CEP192: variants seen among roughly 807,000 people sequenced by gnomAD.
CEP192 encodes the protein centrosomal protein 192.
CEP192 carries 151 observed loss-of-function variants against 271.8 expected under a neutral mutation model. That is an observed-to-expected ratio of 0.56 (90% CI 0.49 to 0.64). CEP192 has a LOEUF of 0.64. CEP192 is among the 30% of genes least tolerant of loss of function. CEP192 has a pLI of 0.00. For synonymous variants in CEP192, 995 were observed against 1,076.5 expected (o/e 0.92, Z 1.48); for missense variants, 2,910 against 3,020.5 (o/e 0.96, Z 0.86).
At chr18:13,053,140 G>T (rs759067489) in intron 18 of CEP192, 50 bp downstream of exon 18, 3 of 1,436,990 alleles carry the variant, frequency 2.1e-6, no homozygotes, top group Non-Finnish European at 1.9e-6. Flanking sequence ...ACTCTTAAAA[G>T]TGTTAACAGA....
Position 13,049,339 on chromosome 18 carries a change from G to T in CEP192, c.2548G>T (p.Gly850Ter). Residue 850 changes from glycine to a stop codon, truncating the protein, a stop_gained, in exon 16 of 45, where the codon GGA (glycine) becomes TGA (stop). Coordinates refer to ENST00000506447, the MANE Select transcript of CEP192 (RefSeq NM_032142.4). LOFTEE classifies it high-confidence loss of function. ...NTAAIVYVEN[G>*]ESENQESFRT... ...AGCAGCTATTGTTTATGTTGAAAAT[G>T]GAGAGAGTGAGAATCAAGAGTCATT... 6.2e-7 allele frequency: 1 copy of T among 1,614,128 alleles called. No homozygotes were observed. Among genetic ancestry groups the T allele is most frequent in the African/African-American group, 1.3e-5 (1 of 75,050 alleles).
At position 13,055,978 on chromosome 18, in the gene CEP192, G is replaced by A. The variant is rs745863505; in HGVS notation, c.3388G>A (p.Val1130Ile). 6 of 1,614,086 alleles carry A rather than the reference G, an allele frequency of 3.7e-6. No homozygotes were observed. Among genetic ancestry groups the A allele is most frequent in the Non-Finnish European group, 5.1e-6 (6 of 1,180,038 alleles). ...TTSLSSKPEY[V>I]KPDFRWSKDP... ...TTCTCTGAGTAGCAAGCCTGAATATGTAAAACCTGACTTTAGATGGAGTAA... is the reference window on the plus strand; with the variant it reads ...TTCTCTGAGTAGCAAGCCTGAATATATAAAACCTGACTTTAGATGGAGTAA... The change falls in exon 19 of 45, where the codon GTA becomes ATA. Residue 1130 changes from valine to isoleucine, a missense_variant. Coordinates refer to ENST00000506447, the MANE Select transcript of CEP192 (RefSeq NM_032142.4).
At chr18:13,075,236 C>G (rs1475351534) in intron 30 of CEP192, among the ~76,000 whole-genome samples, 1 of 152,198 alleles carries the variant, frequency 6.6e-6, no homozygotes, top group Non-Finnish European at 1.5e-5. Flanking sequence ...TTTCTTCCCT[C>G]TGGAACATGC....
At chr18:13,104,561 A>G (rs1173943651) in intron 39 of CEP192, among the ~76,000 whole-genome samples, 2 of 152,322 alleles carry the variant, frequency 1.3e-5, no homozygotes, top group African/African-American at 4.8e-5. Context: ...GCAGTGAGCT[A>G]TGATTACGCC....
chr18:13,067,114 A>G (rs529341822), intron 21 of CEP192, among the ~76,000 whole-genome samples: 1 of 152,112 alleles, frequency 6.6e-6, no homozygotes, highest in South Asian at 2.1e-4. Context: ...TGTATTGAAC[A>G]TGTACAGACA....
At position 13,063,056 on chromosome 18, in the gene CEP192, A is replaced by C. The variant is rs145843900; in HGVS notation, c.4488+3744A>C. Among the ~76,000 whole-genome samples the C allele has an allele frequency of 3.0e-4, 46 of 152,270 alleles. 1 individual carries two copies. Among genetic ancestry groups the C allele is most frequent in the Non-Finnish European group, 1.5e-5 (1 of 68,016 alleles). ...CATCCATGTTGTTGCAAATGACTGG[A>C]TCTCATTCTTCCTATGGCTGAATCG... On this transcript the variant is annotated intron_variant, in intron 21 of 44. Coordinates refer to ENST00000506447, the MANE Select transcript of CEP192 (RefSeq NM_032142.4).
intron 8 of CEP192, 21 bp downstream of exon 8, chr18:13,018,636 C>A (rs766289332): frequency 6.3e-5 from 90 of 1,428,214 alleles, no homozygotes; most frequent in South Asian, 1.5e-4. Flanking sequence ...AAATATGATT[C>A]TTTTGTTCTT....
intron 8 of CEP192, 92 bp downstream of exon 8, chr18:13,018,707 ATATAT>A: frequency 1.1e-6 from 1 of 910,892 alleles, no homozygotes; most frequent in Non-Finnish European, 1.6e-6. Flanking sequence ...ATGATTTAGC[ATATAT>A]TAACTCTTCT....
chr18:13,083,502 G>T (rs2038735707), intron 30 of CEP192, among the ~76,000 whole-genome samples: 1 of 152,150 alleles, frequency 6.6e-6, no homozygotes, highest in African/African-American at 2.4e-5. Context: ...GTTTATTCTA[G>T]TTAGCCATTC....
At chr18:12,997,670 GT>G (rs2033339890) in intron 1 of CEP192, among the ~76,000 whole-genome samples, 1 of 152,118 alleles carries the variant, frequency 6.6e-6, no homozygotes, top group South Asian at 2.1e-4. Flanking sequence ...ATAGAACTGA[GT>G]TTCTGCTTAC....
chr18:13,042,441 C>T (rs751832439), intron 15 of CEP192, 107 bp downstream of exon 15: 270 of 1,158,710 alleles, frequency 2.3e-4, no homozygotes, highest in Non-Finnish European at 3.1e-4. Flanking sequence ...AACATCTTTT[C>T]TTTCCTGGCT....
chr18:13,098,303 G>A (rs1202776183), intron 36 of CEP192, among the ~76,000 whole-genome samples: 4 of 151,980 alleles, frequency 2.6e-5, no homozygotes, highest in Admixed American at 6.5e-5. Context: ...TGGATGGGGC[G>A]GCTGGCCTGG....
chr18:13,054,362 C>T lies in CEP192; in HGVS notation c.3189+1272C>T, dbSNP rs551556556. On this transcript the variant is annotated intron_variant, in intron 18 of 44. Coordinates refer to ENST00000506447, the MANE Select transcript of CEP192 (RefSeq NM_032142.4). ...TGGACGTTGTGGATGTGACAGTGTG[C>T]AGTTTTTTGATGAGCTAACTGTGAC... 3.3e-5 allele frequency among the ~76,000 whole-genome samples: 5 copies of T among 152,300 alleles called. No individual in the cohort carries two copies. In the East Asian group the frequency reaches 9.6e-4, roughly 29 times the overall value.
intron 17 of CEP192, among the ~76,000 whole-genome samples, chr18:13,050,462 A>G (rs917866675): frequency 6.6e-6 from 1 of 152,194 alleles, no homozygotes; most frequent in African/African-American, 2.4e-5. Flanking sequence ...CGGTTCAGCT[A>G]GTGCTCAATG....
intron 38 of CEP192, among the ~76,000 whole-genome samples, chr18:13,103,159 C>A (rs1263414267): frequency 6.6e-6 from 1 of 152,200 alleles, no homozygotes; most frequent in Non-Finnish European, 1.5e-5. Context: ...TGCATCATCT[C>A]ATAGCCAAAC....
chr18:13,066,961 G>T (rs1030391399), intron 21 of CEP192, among the ~76,000 whole-genome samples: 1 of 122,864 alleles, frequency 8.1e-6, no homozygotes, highest in East Asian at 2.6e-4. Context: ...ATGTGAGCAC[G>T]TCTGTGTGTG....
rs560047780 is a variant in CEP192 at position 12,991,736 on chromosome 18, C to T, written c.-5+299C>T. Among the ~76,000 whole-genome samples the T allele has an allele frequency of 2.6e-5, 4 of 152,370 alleles. No homozygotes were observed. In the South Asian group the frequency reaches 6.2e-4, roughly 24 times the overall value. The stretch of plus-strand genomic sequence containing the variant: ...TGTTAGGGGATCACGTCCTTCTTTC[C>T]TCCCCTCTTGTCTGGGGACTTCCAC... On this transcript the variant is annotated intron_variant, in intron 1 of 44. Transcript: ENST00000506447.
intron 1 of CEP192, among the ~76,000 whole-genome samples, chr18:12,996,768 A>C (rs570968321): frequency 3.3e-5 from 5 of 152,284 alleles, no homozygotes; most frequent in Admixed American, 3.3e-4. Context: ...TAATCACCTG[A>C]ATGTTAGGCT....
chr18:13,114,174 G>C lies in CEP192; in HGVS notation c.7212G>C (p.Thr2404=). 6.2e-7 allele frequency: 1 copy of C among 1,613,952 alleles called. No homozygotes were observed. The highest frequency in any genetic ancestry group is 1.1e-5 in the South Asian group (1 of 91,060). ...AGCCTGAAAACGCATGCCTTTCCAC[G>C]GATTCCCTCATTAAAATAGATCATT... The part of the protein sequence containing the change: ...ENEPENACLS[T]DSLIKIDHLV... Residue 2404 remains threonine (T), a synonymous_variant, in exon 42 of 45, where the codon ACG becomes ACC. Transcript: ENST00000506447.
Sources: gnomAD v4.1 joint callset for allele counts (sites outside exome capture counted in the v4.1 genomes callset) on GRCh38, gnomAD v4.1.1 for gene constraint, MANE v1.5 for transcripts, NCBI Gene and HGNC (gene_info 2026-07-23, HGNC 2026-07-21) for gene names.